SRGAP2: variants seen among roughly 807,000 people sequenced by gnomAD.
SRGAP2 encodes SLIT-ROBO Rho GTPase activating protein 2.
In SRGAP2, 15 loss-of-function variants were observed where a neutral mutation model predicts 57.2. That is an observed-to-expected ratio of 0.26 (90% confidence interval 0.18 to 0.40). SRGAP2 has a LOEUF of 0.40. Ranked by LOEUF, SRGAP2 falls within the 10% of genes least tolerant of loss-of-function variation. SRGAP2 has a pLI of 1.00. For missense variants in SRGAP2, 520 were observed against 669.6 expected, an observed-to-expected ratio of 0.78 and a Z score of 2.47; for synonymous variants, 249 against 248.0, an observed-to-expected ratio of 1.00 and a Z score of -0.04.
At chr1:206,278,940 A>G (rs1314987851) in intron 2 of SRGAP2, among the ~76,000 whole-genome samples, 1 of 150,238 alleles carries the variant, frequency 6.7e-6, no homozygotes, top group East Asian at 1.9e-4. Context: ...CAGAGAGGAG[A>G]GGGTGAGAGG....
chr1:206,391,838 G>C (rs2103096453), intron 5 of SRGAP2, among the ~76,000 whole-genome samples: 1 of 152,176 alleles, frequency 6.6e-6, no homozygotes, highest in South Asian at 2.1e-4. Context: ...TGGCCTCCCT[G>C]TTAAGAGAAA....
intron 3 of SRGAP2, among the ~76,000 whole-genome samples, chr1:206,318,513 A>C (rs1265367172): frequency 6.6e-6 from 1 of 152,280 alleles, no homozygotes; most frequent in Non-Finnish European, 1.5e-5. Context: ...ATACATGTGC[A>C]TACAAATACA....
chr1:206,289,542 G>A (rs1211077335), intron 2 of SRGAP2, among the ~76,000 whole-genome samples: 6 of 151,530 alleles, frequency 4.0e-5, no homozygotes, highest in African/African-American at 9.7e-5. Context: ...CTCCCAAAGC[G>A]CTGGGATTAT....
At chr1:206,391,815 G>A (rs1657002672) in intron 5 of SRGAP2, among the ~76,000 whole-genome samples, 2 of 152,058 alleles carry the variant, frequency 1.3e-5, no homozygotes, top group South Asian at 4.2e-4. Flanking sequence ...ACAAGCTTGA[G>A]TTCTAGGCTT....
chr1:206,388,051 G>GT (rs1656466785), intron 5 of SRGAP2, among the ~76,000 whole-genome samples: 2 of 104,960 alleles, frequency 1.9e-5, no homozygotes, highest in African/African-American at 3.8e-5. Context: ...GTACTCAGAG[G>GT]TCGTGTCTGG....
intron 13 of SRGAP2, among the ~76,000 whole-genome samples, chr1:206,424,799 AG>A (rs1660648785): frequency 6.6e-6 from 1 of 152,224 alleles, no homozygotes; most frequent in Non-Finnish European, 1.5e-5. Context: ...CATTATAAGG[AG>A]AGAGGAGGAT....
chr1:206,238,682 T>A (rs1317141256), intron 2 of SRGAP2, among the ~76,000 whole-genome samples: 3 of 149,022 alleles, frequency 2.0e-5, no homozygotes, highest in African/African-American at 5.0e-5. Context: ...GGAACCAGGG[T>A]AGGTCCTCTC....
At chr1:206,333,409 C>T (rs1674527787) in intron 3 of SRGAP2, 1 of 1,361,952 alleles carries the variant, frequency 7.3e-7, no homozygotes, top group Admixed American at 1.7e-5. Context: ...TTATCTTCAG[C>T]TTCTTCAAGG....
chr1:206,353,520 G>A (rs1406155906), intron 4 of SRGAP2, among the ~76,000 whole-genome samples: 26 of 151,826 alleles, frequency 1.7e-4, no homozygotes, highest in African/African-American at 4.8e-4. Flanking sequence ...GGTGGTACGT[G>A]CCTGTAATCC....
At chr1:206,306,201 C>T (rs1432182057) in intron 3 of SRGAP2, among the ~76,000 whole-genome samples, 4 of 152,140 alleles carry the variant, frequency 2.6e-5, no homozygotes, top group African/African-American at 4.8e-5. Context: ...AATGAGGCTG[C>T]GGACCCTTGC....
chr1:206,440,736 GGGGTTTCACCAC>G lies in SRGAP2; in HGVS notation c.1874+657_1874+668del, dbSNP rs1456717949. On this transcript the variant is annotated intron_variant, in intron 17 of 22. Coordinates refer to ENST00000573034, the MANE Select transcript of SRGAP2 (RefSeq NM_015326.5). Reference sequence around the variant, plus strand: ...TAATTTTTGTATTTTTAGTAGACATGGGGTTTCACCACGTTGGCCAAGATGGTCACCATCTCT... The same window carrying G: ...TAATTTTTGTATTTTTAGTAGACATGGTTGGCCAAGATGGTCACCATCTCT... Among the ~76,000 whole-genome samples the G allele has an allele frequency of 3.3e-5, 5 of 152,248 alleles. No homozygotes were observed. In the East Asian group the frequency reaches 9.6e-4, roughly 29 times the overall value.
intron 2 of SRGAP2, among the ~76,000 whole-genome samples, chr1:206,291,097 A>G (rs1202822896): frequency 6.6e-6 from 1 of 151,560 alleles, no homozygotes; most frequent in East Asian, 1.9e-4. Flanking sequence ...TCTTTTTGTT[A>G]ACCAATCAAC....
chr1:206,286,668 C>T (rs1478991466), intron 2 of SRGAP2, among the ~76,000 whole-genome samples: 3 of 152,256 alleles, frequency 2.0e-5, no homozygotes, highest in South Asian at 2.1e-4. Flanking sequence ...TAGAGAGTGT[C>T]GGGGCACTTT....
chr1:206,241,911 C>CATGT (rs1445876473), intron 2 of SRGAP2, among the ~76,000 whole-genome samples: 1 of 104,564 alleles, frequency 9.6e-6, no homozygotes, highest in South Asian at 3.7e-4. Context: ...GAGGTGTTTG[C>CATGT]GTGTGTGTGT....
chr1:206,440,573 G>A lies in SRGAP2; in HGVS notation c.1874+492G>A, dbSNP rs372679862. Among the ~76,000 whole-genome samples, 5 of 151,884 alleles carry A rather than the reference G, an allele frequency of 3.3e-5. No homozygotes were observed. The East Asian group carries it at 5.8e-4, about 18-fold the overall frequency. ...ATTTTCTTTTTTTTTTTTTGAGACG[G>A]AGTCTTGCTCTGTCTCCAGGCTGGA... On this transcript the variant is annotated intron_variant, in intron 17 of 22. Coordinates refer to ENST00000573034, the MANE Select transcript of SRGAP2 (RefSeq NM_015326.5).
rs1553381307 is a variant in SRGAP2 at position 206,462,559 on chromosome 1, C to G, written c.*1139C>G. 1.3e-5 allele frequency: 2 copies of G among 152,424 alleles called. No individual in the cohort carries two copies. Among genetic ancestry groups the G allele is most frequent in the African/African-American group, 4.8e-5 (2 of 41,426 alleles). The allele number at this position is 152,424 out of a possible 1,614,324, so 9.4% of individuals were successfully genotyped here. A position where few individuals can be genotyped will look rare whatever the true frequency, so the allele number is the denominator to read the frequency against. The stretch of plus-strand genomic sequence containing the variant: ...TTGTTTTAAGTCCACCCCTTAGTTT[C>G]CTTATTTTACAAGGTCTCTCTTCAG... On this transcript the variant is annotated 3_prime_UTR_variant, in exon 23 of 23. Coordinates refer to ENST00000573034, the MANE Select transcript of SRGAP2 (RefSeq NM_015326.5).
intron 1 of SRGAP2, chr1:206,204,916 C>T (rs1441185866): frequency 7.1e-6 from 1 of 139,914 alleles, no homozygotes; most frequent in Non-Finnish European, 1.5e-5. Flanking sequence ...TGCCCCCCCC[C>T]CCATCAACAT....
Position 206,275,712 on chromosome 1 carries a change from G to A in SRGAP2, c.68-27569G>A, listed in dbSNP as rs1406681477. On this transcript the variant is annotated intron_variant, in intron 2 of 22. Transcript: ENST00000573034. ...TCACTGCAACCTCCGCCTCTCCCGG[G>A]TTCAAGTGATTCTCCTGCCTCAGCC... Among the ~76,000 whole-genome samples the A allele has an allele frequency of 9.9e-3, 1,483 of 150,078 alleles. 1 individual carries two copies. The highest frequency in any genetic ancestry group is 0.033 in the African/African-American group (1,332 of 40,844).
At chr1:206,241,952 G>A (rs1401097107) in intron 2 of SRGAP2, among the ~76,000 whole-genome samples, 1 of 128,598 alleles carries the variant, frequency 7.8e-6, no homozygotes, top group African/African-American at 3.3e-5. Context: ...GTGTGTGTGT[G>A]TTTTATCTCC....
Sources: gnomAD v4.1 joint callset for allele counts (sites outside exome capture counted in the v4.1 genomes callset) on GRCh38, gnomAD v4.1.1 for gene constraint, MANE v1.5 for transcripts, NCBI Gene and HGNC (gene_info 2026-07-23, HGNC 2026-07-21) for gene names.